The following ABCB5 variants were observed in gnomAD, a reference collection of about 807,000 sequenced individuals.
The protein encoded by ABCB5 is ATP binding cassette subfamily B member 5, also known as ATP-binding cassette sub-family B member 5.
In ABCB5, 155 loss-of-function variants were observed where a neutral mutation model predicts 144.2. That is an observed-to-expected ratio of 1.08 (90% CI 0.94 to 1.23). The LOEUF is 1.23. Among genes scored for constraint, ABCB5 ranks in the 50% most tolerant of loss-of-function variants. The pLI is 0.00. For missense variants in ABCB5, 1,830 were observed against 1,520.8 expected (o/e 1.20, Z -3.38); for synonymous variants, 610 against 528.6 (o/e 1.15, Z -2.11).
chr7:20,734,089 T>C lies in ABCB5; in HGVS notation c.2868-4894T>C, dbSNP rs534142353. Among the ~76,000 whole-genome samples the C allele has an allele frequency of 5.9e-5, 9 of 152,266 alleles. No individual in the cohort carries two copies. The South Asian group carries it at 1.9e-3, about 32-fold the overall frequency. On this transcript the variant is annotated intron_variant, in intron 23 of 27. Coordinates refer to ENST00000404938, the MANE Select transcript of ABCB5 (RefSeq NM_001163941.2). ...AAGAGCAACATAGCACTATGCATAA[T>C]GTCAATAGATGAGATTTGTCTTCAA...
chr7:20,699,672 A>G (rs533846175), intron 17 of ABCB5, among the ~76,000 whole-genome samples, 153 bp from the exon 18 acceptor site: 1 of 152,102 alleles, frequency 6.6e-6, no homozygotes, highest in East Asian at 1.9e-4. Context: ...GCAACACTGC[A>G]CTCCAGCCTG....
chr7:20,667,452 AACCTTTT>A, intron 14 of ABCB5: 7 of 985,374 alleles, frequency 7.1e-6, no homozygotes, highest in Non-Finnish European at 8.4e-6. Context: ...TTCTAGTTGC[AACCTTTT>A]AATTGTTTGA....
chr7:20,713,471 C>T (rs1029715555), intron 20 of ABCB5, among the ~76,000 whole-genome samples: 1 of 149,392 alleles, frequency 6.7e-6, no homozygotes, highest in South Asian at 2.2e-4. Context: ...CCTGAGTTCA[C>T]GTGGTCCTCC....
chr7:20,651,855 C>A (rs1222400194), intron 13 of ABCB5, among the ~76,000 whole-genome samples: 1 of 152,116 alleles, frequency 6.6e-6, no homozygotes, highest in Non-Finnish European at 1.5e-5. Context: ...TTTTTAAAAT[C>A]TTATCAGCTA....
intron 14 of ABCB5, among the ~76,000 whole-genome samples, chr7:20,678,621 C>T (rs1212647511): frequency 7.0e-6 from 1 of 142,014 alleles, no homozygotes; most frequent in Non-Finnish European, 1.5e-5. Flanking sequence ...AAAACAAAAA[C>T]AAAAACAAAA....
rs777808029 is a variant in ABCB5, at chr7:20,632,157, C to G, written c.314+44C>G. On this transcript the variant is annotated intron_variant, in intron 5 of 27. Coordinates refer to ENST00000404938, the MANE Select transcript of ABCB5 (RefSeq NM_001163941.2). The stretch of plus-strand genomic sequence containing the variant: ...TTAATATCACATTCGTTGAATGATG[C>G]TTTATTTAAAGCTTACAAGAAAAAA... The G allele has an allele frequency of 6.0e-6, 8 of 1,323,040 alleles. No individual in the cohort carries two copies. In the East Asian group the frequency reaches 1.1e-4, roughly 18 times the overall value. 82.0% of individuals were successfully genotyped at this position (1,323,040 alleles called of 1,614,324 possible).
At chr7:20,733,759 C>T (rs573819451) in intron 23 of ABCB5, among the ~76,000 whole-genome samples, 64 of 152,214 alleles carry the variant, frequency 4.2e-4, no homozygotes, top group African/African-American at 1.5e-3. Flanking sequence ...CCACCTCAGC[C>T]TCCTGAGTAG....
At chr7:20,751,532 A>G (rs1782931036) in intron 26 of ABCB5, among the ~76,000 whole-genome samples, 1 of 152,194 alleles carries the variant, frequency 6.6e-6, no homozygotes, top group African/African-American at 2.4e-5. Context: ...ATGTTCTTTA[A>G]ACTTACACTC....
In ABCB5 at chr7:20,651,494, A is replaced by C; in HGVS notation, c.1407A>C (p.Gln469His). ...GAGACCATATTGGAGTGGTTAGTCAAGAGCCTGTTTTGTTCGGGACCACCA... is the reference window on the plus strand; with the variant it reads ...GAGACCATATTGGAGTGGTTAGTCACGAGCCTGTTTTGTTCGGGACCACCA... ...HYRDHIGVVS[Q>H]EPVLFGTTIS... Residue 469 changes from glutamine (Q) to histidine (H), a missense_variant, in exon 13 of 28, where the codon CAA (glutamine) becomes CAC (histidine). Physicochemically the swap from Gln to His is conservative, Grantham distance 24 (BLOSUM62 0). Transcript: ENST00000404938. 1 of 1,614,142 alleles carries C rather than the reference A, an allele frequency of 6.2e-7. No individual in the cohort carries two copies. Among genetic ancestry groups the C allele is most frequent in the East Asian group, 2.2e-5 (1 of 44,884 alleles).
intron 5 of ABCB5, among the ~76,000 whole-genome samples, chr7:20,632,695 G>C (rs1376656423): frequency 6.6e-6 from 1 of 152,096 alleles, no homozygotes; most frequent in Non-Finnish European, 1.5e-5. Context: ...AAAATGATGA[G>C]TTCATGTCCT....
intron 5 of ABCB5, among the ~76,000 whole-genome samples, chr7:20,640,353 G>T (rs928452693): frequency 1.3e-5 from 2 of 152,066 alleles, no homozygotes; most frequent in African/African-American, 4.8e-5. Flanking sequence ...CTTTATGTGT[G>T]CTTTTTTTTA....
intron 1 of ABCB5, among the ~76,000 whole-genome samples, chr7:20,618,154 T>G (rs187741184): frequency 3.9e-5 from 6 of 152,342 alleles, no homozygotes; most frequent in Non-Finnish European, 8.8e-5. Flanking sequence ...CAATTTATAG[T>G]GGTTTTATCA....
chr7:20,674,815 A>T (rs1241407982), intron 14 of ABCB5, among the ~76,000 whole-genome samples: 1 of 151,474 alleles, frequency 6.6e-6, no homozygotes, highest in Admixed American at 6.6e-5. Context: ...GAATTCAGTA[A>T]GGTTGCAGGA....
At chr7:20,684,530 G>C (rs1785929168) in intron 15 of ABCB5, among the ~76,000 whole-genome samples, 2 of 152,138 alleles carry the variant, frequency 1.3e-5, no homozygotes, top group South Asian at 4.1e-4. Context: ...GAGGCAGGAG[G>C]ACTGCTTGAG....
At chr7:20,719,452 C>T (rs1781790529) in intron 20 of ABCB5, among the ~76,000 whole-genome samples, 1 of 152,134 alleles carries the variant, frequency 6.6e-6, no homozygotes, top group Non-Finnish European at 1.5e-5. Context: ...TGAGTGAAAC[C>T]AATTTATAAT....
intron 20 of ABCB5, among the ~76,000 whole-genome samples, chr7:20,708,990 C>T (rs899939456): frequency 6.6e-6 from 1 of 152,128 alleles, no homozygotes; most frequent in South Asian, 2.1e-4. Context: ...AACGTTGGCT[C>T]CTCAAAAAAC....
rs144572651 is a variant in ABCB5, at chr7:20,723,078, C to T, written c.2484C>T (p.Ile828=). The T allele has an allele frequency of 6.2e-7, 1 of 1,614,120 alleles. No homozygotes were observed. Among genetic ancestry groups the T allele is most frequent in the Non-Finnish European group, 8.5e-7 (1 of 1,180,012 alleles). The change falls in exon 21 of 28, where the codon ATC becomes ATT. Residue 828 remains isoleucine (I), a synonymous_variant. Coordinates refer to ENST00000404938, the MANE Select transcript of ABCB5 (RefSeq NM_001163941.2). The stretch of plus-strand genomic sequence containing the variant: ...CAACTAACATGGGACTTTCAGTTAT[C>T]ATTTCCTTTATATATGGATGGGAGA... ...QNATNMGLSV[I]ISFIYGWEMT...
intron 24 of ABCB5, among the ~76,000 whole-genome samples, chr7:20,739,376 T>G (rs964456972): frequency 1.7e-4 from 26 of 151,918 alleles, no homozygotes; most frequent in Admixed American, 2.0e-4. Flanking sequence ...AAAAATAAAA[T>G]GTAACATAAA....
chr7:20,687,584 C>T (rs559962568), intron 16 of ABCB5, among the ~76,000 whole-genome samples: 13 of 152,278 alleles, frequency 8.5e-5, no homozygotes, highest in African/African-American at 2.6e-4. Context: ...ATCCGTGAGC[C>T]TGGGGAAGCA....
Sources: allele counts gnomAD v4.1 joint callset (sites outside exome capture counted in the v4.1 genomes callset), GRCh38; gene constraint gnomAD v4.1.1; transcripts MANE v1.5; gene names NCBI Gene and HGNC (gene_info 2026-07-23, HGNC 2026-07-21).